The following CCDC192 variants were observed in gnomAD, a reference collection of about 807,000 sequenced individuals.
CCDC192 encodes the protein coiled-coil domain containing 192, also known as coiled-coil domain-containing protein 192.
intron 5 of CCDC192, among the ~76,000 whole-genome samples, chr5:127,834,831 T>C (rs1580728104): frequency 6.6e-6 from 1 of 152,164 alleles, no homozygotes; most frequent in African/African-American, 2.4e-5. Flanking sequence ...GATTGTGCAA[T>C]AATAAAAAGG....
rs535368744 is a variant in CCDC192 at position 127,886,420 on chromosome 5, G to A, written c.535+10759G>A. Among the ~76,000 whole-genome samples, 3 of 152,172 alleles carry A rather than the reference G, an allele frequency of 2.0e-5. No individual in the cohort carries two copies. The South Asian group carries it at 6.3e-4, about 32-fold the overall frequency. On this transcript the variant is annotated intron_variant, in intron 6 of 6. Transcript: ENST00000514853. ...CCCTTGAACAACATAGGTTTGCATT[G>A]TGCTGGTCCACTTATACCCAGATTT...
chr5:127,888,919 G>A (rs1752652304), intron 6 of CCDC192, among the ~76,000 whole-genome samples: 1 of 152,228 alleles, frequency 6.6e-6, no homozygotes, highest in Admixed American at 6.5e-5. Context: ...CCAAGAGAGA[G>A]TCAATAATTG....
intron 6 of CCDC192, among the ~76,000 whole-genome samples, chr5:127,930,024 T>C (rs1753974735): frequency 6.6e-6 from 1 of 152,138 alleles, no homozygotes; most frequent in African/African-American, 2.4e-5. Context: ...ACTGACATGA[T>C]AAAATCCCAT....
intron 2 of CCDC192, among the ~76,000 whole-genome samples, chr5:127,719,832 G>GAT (rs1554068213): frequency 0.012 from 1,373 of 112,300 alleles, 32 homozygotes; most frequent in African/African-American, 0.049. Context: ...CAGAGGAAGG[G>GAT]GCGGGGGAGG....
intron 3 of CCDC192, among the ~76,000 whole-genome samples, chr5:127,765,339 CT>C (rs1400730376): frequency 6.6e-6 from 1 of 152,000 alleles, no homozygotes; most frequent in Non-Finnish European, 1.5e-5. Flanking sequence ...AACAATACCA[CT>C]TTTTTACTGT....
At chr5:127,864,306 T>G (rs1751503521) in intron 5 of CCDC192, among the ~76,000 whole-genome samples, 1 of 152,200 alleles carries the variant, frequency 6.6e-6, no homozygotes, top group Non-Finnish European at 1.5e-5. Context: ...ACACCACAAG[T>G]CACTAGTGGG....
chr5:127,887,054 G>A (rs1037699873), intron 6 of CCDC192, among the ~76,000 whole-genome samples: 2 of 152,172 alleles, frequency 1.3e-5, no homozygotes, highest in African/African-American at 2.4e-5. Context: ...AAGGCTGGGT[G>A]TGGTGGCTCA....
intron 3 of CCDC192, among the ~76,000 whole-genome samples, chr5:127,781,699 C>G (rs552098014): frequency 2.8e-4 from 43 of 151,926 alleles, no homozygotes; most frequent in African/African-American, 9.7e-4. Flanking sequence ...TATCCAGGAG[C>G]TTTGCTGAAT....
At chr5:127,940,008 G>C (rs1326730171) in intron 6 of CCDC192, among the ~76,000 whole-genome samples, 1 of 152,156 alleles carries the variant, frequency 6.6e-6, no homozygotes, top group Non-Finnish European at 1.5e-5. Context: ...GACATTTAAT[G>C]CTGGAAATTT....
chr5:127,928,163 G>A (rs190132417), intron 6 of CCDC192, among the ~76,000 whole-genome samples: 6 of 151,952 alleles, frequency 3.9e-5, no homozygotes, highest in Admixed American at 6.5e-5. Context: ...CAGGTAATCC[G>A]CCTGCCTCAG....
In CCDC192 at chr5:127,714,182, T is replaced by C. The variant is rs148310900; in HGVS notation, c.114+6422T>C. 4.4e-4 allele frequency among the ~76,000 whole-genome samples: 67 copies of C among 152,354 alleles called. No homozygotes were observed. In the East Asian group the frequency reaches 0.01, roughly 24 times the overall value. On this transcript the variant is annotated intron_variant, in intron 2 of 6. Transcript: ENST00000514853. Reference sequence around the variant, plus strand: ...GCAAATGGCACAATTTCAGTCTTTTTTGTGGCTGAATAGTATTCTATTGTG... The same window carrying C: ...GCAAATGGCACAATTTCAGTCTTTTCTGTGGCTGAATAGTATTCTATTGTG...
Position 127,795,381 on chromosome 5 carries a change from TATA to T in CCDC192, c.223-1717_223-1715del, listed in dbSNP as rs1253876661. 1.3e-4 allele frequency among the ~76,000 whole-genome samples: 20 copies of T among 151,846 alleles called. No homozygotes were observed. In the East Asian group the frequency reaches 3.3e-3, roughly 25 times the overall value. ...GAGCTAGAAGAGGTAGAAGAATAATTATAATAAGAGCTGCTAGATGTTTGATAT... is the reference window on the plus strand; with the variant it reads ...GAGCTAGAAGAGGTAGAAGAATAATTATAAGAGCTGCTAGATGTTTGATAT... On this transcript the variant is annotated intron_variant, in intron 3 of 6. Coordinates refer to ENST00000514853, the MANE Select transcript of CCDC192 (RefSeq NM_001317938.2).
chr5:127,921,009 C>T (rs1753697272), intron 6 of CCDC192, among the ~76,000 whole-genome samples: 1 of 150,894 alleles, frequency 6.6e-6, no homozygotes, highest in Non-Finnish European at 1.5e-5. Context: ...TACACTCCAG[C>T]CTGGGCATCA....
chr5:127,838,577 A>G (rs1317729703), intron 5 of CCDC192: 2 of 152,208 alleles, frequency 1.3e-5, no homozygotes, highest in Non-Finnish European at 2.9e-5. Context: ...CAGTCTTCCC[A>G]TGGTCTCTCT....
At chr5:127,887,174 C>A (rs1580796756) in intron 6 of CCDC192, among the ~76,000 whole-genome samples, 1 of 151,798 alleles carries the variant, frequency 6.6e-6, no homozygotes, top group South Asian at 2.1e-4. Context: ...CCAAAAAATA[C>A]AAAATTTAAC....
chr5:127,818,542 A>G (rs559802670), intron 5 of CCDC192, among the ~76,000 whole-genome samples: 1 of 152,322 alleles, frequency 6.6e-6, no homozygotes, highest in South Asian at 2.1e-4. Flanking sequence ...TAGAGACCCC[A>G]TACATAGGTC....
chr5:127,931,680 G>A (rs2126310187), intron 6 of CCDC192, among the ~76,000 whole-genome samples: 1 of 152,138 alleles, frequency 6.6e-6, no homozygotes, highest in South Asian at 2.1e-4. Flanking sequence ...TAGATTCCCA[G>A]GCACCCTTCT....
At chr5:127,876,187 T>TA (rs1561535078) in intron 6 of CCDC192, among the ~76,000 whole-genome samples, 1 of 150,810 alleles carries the variant, frequency 6.6e-6, no homozygotes, top group Admixed American at 6.6e-5. Flanking sequence ...TCTGACTTTT[T>TA]AAAAAAAGAC....
chr5:127,822,674 G>C (rs1400895634), intron 5 of CCDC192, among the ~76,000 whole-genome samples: 2 of 152,166 alleles, frequency 1.3e-5, no homozygotes, highest in African/African-American at 4.8e-5. Context: ...AGCTCTAGGA[G>C]CAACTGTGGA....
Sources: allele counts gnomAD v4.1 joint callset (sites outside exome capture counted in the v4.1 genomes callset), GRCh38; gene constraint gnomAD v4.1.1; transcripts MANE v1.5; gene names NCBI Gene and HGNC (gene_info 2026-07-23, HGNC 2026-07-21).